The following FKBP5 variants were observed in gnomAD, a reference collection of about 807,000 sequenced individuals.
The protein encoded by FKBP5 is peptidyl-prolyl cis-trans isomerase FKBP5.
A neutral mutation model predicts 50.5 loss-of-function variants in FKBP5; 23 were observed. The ratio of observed to expected loss-of-function variants is 0.46; its 90% CI spans 0.33 to 0.65. FKBP5 has a LOEUF of 0.65. Ranked by LOEUF, FKBP5 falls within the 30% of genes least tolerant of loss-of-function variation. The pLI is 0.02. For synonymous variants in FKBP5, 176 were observed against 190.6 expected (o/e 0.92, Z 0.63); for missense variants, 411 against 553.1 (o/e 0.74, Z 2.58).
At chr6:35,601,576 CCAAAA>C (rs1286585867) in intron 5 of FKBP5, among the ~76,000 whole-genome samples, 2 of 152,192 alleles carry the variant, frequency 1.3e-5, no homozygotes, top group African/African-American at 2.4e-5. Context: ...AAAATTCCTA[CCAAAA>C]CAAAACAGAA....
intron 1 of FKBP5, among the ~76,000 whole-genome samples, chr6:35,647,806 A>C (rs1187256224): frequency 3.9e-5 from 6 of 152,178 alleles, no homozygotes; most frequent in African/African-American, 1.4e-4. Context: ...CATCGAAAGG[A>C]TATGTCAAGG....
chr6:35,726,282 A>G (rs1766707863), intron 1 of FKBP5, among the ~76,000 whole-genome samples: 1 of 152,138 alleles, frequency 6.6e-6, no homozygotes, highest in South Asian at 2.1e-4. Flanking sequence ...TGTAGTACGT[A>G]GGAGTGGCAG....
At position 35,574,829 on chromosome 6, in the gene FKBP5, CAAAA is replaced by C. The variant is rs1021355522; in HGVS notation, c.*1002_*1005del. On this transcript the variant is annotated 3_prime_UTR_variant, in exon 11 of 11. Transcript: ENST00000357266. ...TTATGAGCCAATAATCTTAAAAAGA[CAAAA>C]AAAGCTGCATGGATCCTAAATGACT... The C allele has an allele frequency of 1.9e-4, 29 of 152,330 alleles. No homozygotes were observed. Among genetic ancestry groups the C allele is most frequent in the Non-Finnish European group, 3.5e-4 (24 of 67,920 alleles). 9.4% of individuals were successfully genotyped at this position (152,330 alleles called of 1,614,324 possible).
intron 1 of FKBP5, among the ~76,000 whole-genome samples, chr6:35,725,591 T>C (rs1766692270): frequency 6.6e-6 from 1 of 152,232 alleles, no homozygotes; most frequent in South Asian, 2.1e-4. Context: ...AGCAAGAGTT[T>C]AGAACCTAAA....
chr6:35,722,316 T>C (rs1450499150), intron 1 of FKBP5, among the ~76,000 whole-genome samples: 1 of 152,092 alleles, frequency 6.6e-6, no homozygotes, highest in African/African-American at 2.4e-5. Context: ...TAAACATTTA[T>C]GAATGAATGA....
chr6:35,604,333 T>C (rs1388689030), intron 5 of FKBP5, among the ~76,000 whole-genome samples: 2 of 152,192 alleles, frequency 1.3e-5, no homozygotes, highest in Admixed American at 6.5e-5. Context: ...TCTACTATGA[T>C]TTTATTCTAC....
chr6:35,697,564 A>G (rs1766105418), intron 2 of FKBP5, among the ~76,000 whole-genome samples: 1 of 151,640 alleles, frequency 6.6e-6, no homozygotes, highest in South Asian at 2.1e-4. Flanking sequence ...AAAAAAAAAA[A>G]GAATGAAGTA....
chr6:35,682,717 C>A (rs1223641209), intron 1 of FKBP5, among the ~76,000 whole-genome samples: 3 of 151,798 alleles, frequency 2.0e-5, no homozygotes, highest in Admixed American at 2.0e-4. Context: ...TTCCAAAAAA[C>A]GAACAATTTC....
At chr6:35,627,758 CTTTTCTT>C (rs1764042824) in intron 3 of FKBP5, among the ~76,000 whole-genome samples, 1 of 151,690 alleles carries the variant, frequency 6.6e-6, no homozygotes, top group African/African-American at 2.4e-5. Context: ...TATTCTTTAT[CTTTTCTT>C]TTTTCTTTTT....
intron 9 of FKBP5, 74 bp from the exon 10 acceptor site, chr6:35,577,307 T>C (rs1488548706): frequency 7.3e-7 from 1 of 1,365,532 alleles, no homozygotes; most frequent in Admixed American, 2.4e-5. Context: ...CAAAGTTCTC[T>C]TGCCAAAGGA....
chr6:35,708,961 C>T (rs1220708599), intron 2 of FKBP5, among the ~76,000 whole-genome samples: 1 of 152,146 alleles, frequency 6.6e-6, no homozygotes, highest in Non-Finnish European at 1.5e-5. Context: ...AAATCAATGT[C>T]TAATTTTGCA....
chr6:35,590,612 G>A (rs1762786662), intron 7 of FKBP5, among the ~76,000 whole-genome samples: 2 of 152,094 alleles, frequency 1.3e-5, no homozygotes, highest in Non-Finnish European at 2.9e-5. Flanking sequence ...ATGGCTTCGG[G>A]TTAGCTGCTT....
intron 1 of FKBP5, among the ~76,000 whole-genome samples, chr6:35,648,094 G>GT (rs1764679578): frequency 6.6e-6 from 1 of 151,482 alleles, no homozygotes; most frequent in African/African-American, 2.4e-5. Flanking sequence ...AGCCCAGAGA[G>GT]TCTGGATTTA....
Position 35,580,064 on chromosome 6 carries a change from T to A in FKBP5, c.998A>T (p.Tyr333Phe). ...LAMCYLKLRE[Y>F]TKAVECCDKA... is the part of the protein sequence containing the mutation. ...GTCACAGCATTCAACAGCTTTGGTG[T>A]ATTCTCTAAGCTTCAGGTAGCACAT... The change falls in exon 9 of 11, where the codon TAC (tyrosine) becomes TTC (phenylalanine). Residue 333 changes from tyrosine (Y) to phenylalanine (F), a missense_variant. Physicochemically the swap from Tyr to Phe is conservative, Grantham distance 22. Around this residue, in one of 3 missense-constraint regions of FKBP5, gnomAD observed 267 missense variants for 405.9 expected, o/e 0.66. Coordinates refer to ENST00000357266, the MANE Select transcript of FKBP5 (RefSeq NM_004117.4). 6.2e-7 allele frequency: 1 copy of A among 1,614,100 alleles called. No individual in the cohort carries two copies. The highest frequency in any genetic ancestry group is 8.5e-7 in the Non-Finnish European group (1 of 1,179,944).
At chr6:35,589,129 T>TGTATA (rs879865924) in intron 7 of FKBP5, among the ~76,000 whole-genome samples, 1 of 102,152 alleles carries the variant, frequency 9.8e-6, no homozygotes, top group African/African-American at 4.4e-5. Flanking sequence ...TATATATATA[T>TGTATA]TTTTTTTTTT....
chr6:35,628,063 G>A (rs1305981619), intron 3 of FKBP5, among the ~76,000 whole-genome samples: 1 of 151,264 alleles, frequency 6.6e-6, no homozygotes, highest in African/African-American at 2.4e-5. Flanking sequence ...GTGAGCCACT[G>A]TGCCCGGCCT....
chr6:35,691,223 G>C (rs547469853), upstream of FKBP5, among the ~76,000 whole-genome samples: 1 of 152,036 alleles, frequency 6.6e-6, no homozygotes, highest in Admixed American at 6.6e-5. Flanking sequence ...AGAGGAATCA[G>C]CTCTTCCTAC....
At chr6:35,706,176 C>A (rs1766309632) in intron 2 of FKBP5, among the ~76,000 whole-genome samples, 1 of 152,078 alleles carries the variant, frequency 6.6e-6, no homozygotes, top group African/African-American at 2.4e-5. Context: ...ATAATCCCAG[C>A]ACTTTGGGAG....
intron 6 of FKBP5, 108 bp downstream of exon 6, chr6:35,597,140 C>G: frequency 8.5e-7 from 1 of 1,182,646 alleles, no homozygotes; most frequent in East Asian, 2.4e-5. Flanking sequence ...TAATTGTTTC[C>G]GTTGTTGGAT....
Sources: allele counts gnomAD v4.1 joint callset (sites outside exome capture counted in the v4.1 genomes callset), GRCh38; gene constraint gnomAD v4.1.1; regional missense constraint gnomAD v4.1.1; transcripts MANE v1.5; gene names NCBI Gene and HGNC (gene_info 2026-07-23, HGNC 2026-07-21).